KIAA1958: variants seen among roughly 807,000 people sequenced by gnomAD.
The protein encoded by KIAA1958 is KIAA1958.
KIAA1958 carries 14 observed loss-of-function variants against 47.2 expected under a neutral mutation model. The observed-to-expected ratio is 0.30, with a 90% CI of 0.20 to 0.46. The LOEUF (loss-of-function observed/expected upper bound fraction) is 0.46, where lower values mean the gene tolerates loss of function less well. Ranked by LOEUF, KIAA1958 falls within the 20% of genes least tolerant of loss-of-function variation. KIAA1958 has a pLI of 1.00. For missense variants in KIAA1958, 803 were observed against 909.2 expected (o/e 0.88, Z 1.50); for synonymous variants, 354 against 353.3 (o/e 1.00, Z -0.02).
At chr9:112,562,186 G>A (rs1019732409) in intron 1 of KIAA1958, among the ~76,000 whole-genome samples, 2 of 152,154 alleles carry the variant, frequency 1.3e-5, no homozygotes, top group African/African-American at 4.8e-5. Flanking sequence ...ACCAAAATGG[G>A]GGGAAAGCCC....
intron 1 of KIAA1958, among the ~76,000 whole-genome samples, chr9:112,506,941 A>G (rs1398669014): frequency 6.6e-6 from 1 of 152,206 alleles, no homozygotes; most frequent in African/African-American, 2.4e-5. Flanking sequence ...CTCAGTGGTC[A>G]TTGCTATTGT....
chr9:112,618,629 C>A lies in KIAA1958; in HGVS notation c.1172-27021C>A. On this transcript the variant is annotated intron_variant, in intron 2 of 3. Coordinates refer to ENST00000337530, the MANE Select transcript of KIAA1958 (RefSeq NM_133465.4). The surrounding 1 kb of genome is among the most constrained non-coding windows in gnomAD (Gnocchi z 7.1). ...TGCCCCTTTCTACTTATCCATCAAG[C>A]CAGTCGTGAACCTGGCGGCTCTGCA... 6.4e-7 allele frequency: 1 copy of A among 1,550,716 alleles called. No individual in the cohort carries two copies. Among genetic ancestry groups the A allele is most frequent in the African/African-American group, 1.4e-5 (1 of 73,196 alleles).
chr9:112,615,577 GT>G (rs1836395990), intron 2 of KIAA1958, among the ~76,000 whole-genome samples: 1 of 152,094 alleles, frequency 6.6e-6, no homozygotes, highest in African/African-American at 2.4e-5. Context: ...CTTTTTGGTA[GT>G]TCTGCAGAAT....
intron 1 of KIAA1958, among the ~76,000 whole-genome samples, chr9:112,571,386 T>C (rs1377784168): frequency 6.6e-6 from 1 of 152,196 alleles, no homozygotes; most frequent in Non-Finnish European, 1.5e-5. Flanking sequence ...CTTTAGGGAT[T>C]TTGATCTTTC....
At position 112,558,089 on chromosome 9, in the gene KIAA1958, G is replaced by A. The variant is rs1001037164; in HGVS notation, c.-24-15968G>A. Among the ~76,000 whole-genome samples the A allele has an allele frequency of 7.9e-5, 12 of 152,150 alleles. No individual in the cohort carries two copies. The South Asian group carries it at 1.0e-3, about 13-fold the overall frequency. ...AAATACAAAAAATTAGCCGGGCATCGTGGTGCGCGCCTGTAGTCCCAGCTA... is the reference window on the plus strand; with the variant it reads ...AAATACAAAAAATTAGCCGGGCATCATGGTGCGCGCCTGTAGTCCCAGCTA... On this transcript the variant is annotated intron_variant, in intron 1 of 3. Transcript: ENST00000337530.
At chr9:112,653,889 G>GA (rs947583629) in intron 3 of KIAA1958, among the ~76,000 whole-genome samples, 33 of 152,238 alleles carry the variant, frequency 2.2e-4, no homozygotes, top group African/African-American at 7.7e-4. Context: ...GACAGAGTGA[G>GA]ACTCTGTCTT....
At chr9:112,560,621 G>A (rs1032350353) in intron 1 of KIAA1958, among the ~76,000 whole-genome samples, 6 of 152,256 alleles carry the variant, frequency 3.9e-5, no homozygotes, top group East Asian at 3.9e-4. Context: ...ACTAGTTTGC[G>A]TCACATAACT....
chr9:112,576,061 A>G (rs1835639986), intron 2 of KIAA1958, among the ~76,000 whole-genome samples: 1 of 152,208 alleles, frequency 6.6e-6, no homozygotes, highest in South Asian at 2.1e-4. Flanking sequence ...GGCATGTTTT[A>G]GTTTATTTCA....
At chr9:112,658,517 G>T (rs1314121156) in intron 3 of KIAA1958, among the ~76,000 whole-genome samples, 1 of 152,200 alleles carries the variant, frequency 6.6e-6, no homozygotes, top group Non-Finnish European at 1.5e-5. Context: ...TAATAAGTGT[G>T]TATATATAGA....
At chr9:112,546,287 C>T (rs1342029868) in intron 1 of KIAA1958, among the ~76,000 whole-genome samples, 2 of 152,170 alleles carry the variant, frequency 1.3e-5, no homozygotes, top group Non-Finnish European at 2.9e-5. Context: ...GTCATCATGG[C>T]AATGTAGGGA....
chr9:112,573,560 T>A (rs981246768), intron 1 of KIAA1958, among the ~76,000 whole-genome samples: 1 of 152,166 alleles, frequency 6.6e-6, no homozygotes, highest in Non-Finnish European at 1.5e-5. Flanking sequence ...CTGACCTCCG[T>A]CCTAAGATGG....
At chr9:112,528,632 C>A (rs1834701325) in intron 1 of KIAA1958, among the ~76,000 whole-genome samples, 1 of 152,188 alleles carries the variant, frequency 6.6e-6, no homozygotes, top group South Asian at 2.1e-4. Flanking sequence ...AAGCGATTCT[C>A]CTGCCTCAGC....
intron 2 of KIAA1958, among the ~76,000 whole-genome samples, chr9:112,627,216 AC>A (rs1836632244): frequency 6.6e-6 from 1 of 152,222 alleles, no homozygotes; most frequent in African/African-American, 2.4e-5. Flanking sequence ...AAAGCAAAAA[AC>A]ATTTGCAAAA....
intron 2 of KIAA1958, among the ~76,000 whole-genome samples, chr9:112,595,878 C>G (rs1224041807): frequency 6.6e-6 from 1 of 151,576 alleles, no homozygotes; most frequent in Non-Finnish European, 1.5e-5. Flanking sequence ...GTCCGCCTCC[C>G]GGGTTCAAGT....
intron 2 of KIAA1958, among the ~76,000 whole-genome samples, chr9:112,633,855 TA>T (rs1176973758): frequency 2.0e-5 from 3 of 152,256 alleles, no homozygotes; most frequent in Non-Finnish European, 2.9e-5. Context: ...TTTATAATTT[TA>T]TATGCATACC....
At chr9:112,564,832 C>T (rs1013042410) in intron 1 of KIAA1958, among the ~76,000 whole-genome samples, 8 of 152,066 alleles carry the variant, frequency 5.3e-5, no homozygotes, top group South Asian at 2.1e-4. Context: ...TACCAGTGGC[C>T]ATGTAATATA....
intron 1 of KIAA1958, among the ~76,000 whole-genome samples, chr9:112,499,451 A>T (rs1211549033): frequency 6.6e-6 from 1 of 152,184 alleles, no homozygotes; most frequent in African/African-American, 2.4e-5. Flanking sequence ...GTTGTGGGTC[A>T]TATGATAATG....
intron 2 of KIAA1958, among the ~76,000 whole-genome samples, chr9:112,637,422 C>A (rs1418971644): frequency 6.6e-6 from 1 of 151,934 alleles, no homozygotes; most frequent in Non-Finnish European, 1.5e-5. Context: ...CGCTCTTTTG[C>A]CCAGGCTGGA....
chr9:112,662,431 C>A lies in KIAA1958; in HGVS notation c.*2362C>A, dbSNP rs1248187247. The A allele has an allele frequency of 6.6e-6, 1 of 151,532 alleles. No homozygotes were observed. Among genetic ancestry groups the A allele is most frequent in the East Asian group, 1.9e-4 (1 of 5,152 alleles). The allele number at this position is 151,532 out of a possible 1,614,324, so 9.4% of individuals were successfully genotyped here. The stretch of plus-strand genomic sequence containing the variant: ...ATATGTGTGTGTGTCTGTGTATACA[C>A]ACAAACACATATACATAAGTGTTTA... On this transcript the variant is annotated 3_prime_UTR_variant, in exon 4 of 4. Coordinates refer to ENST00000337530, the MANE Select transcript of KIAA1958 (RefSeq NM_133465.4).
Sources: gnomAD v4.1 joint callset for allele counts (sites outside exome capture counted in the v4.1 genomes callset) on GRCh38, gnomAD v4.1.1 for gene constraint, Gnocchi (gnomAD v3.1) non-coding constraint, MANE v1.5 for transcripts, NCBI Gene and HGNC (gene_info 2026-07-23, HGNC 2026-07-21) for gene names.